Variants in EEFSEC observed in about 807,000 individuals in gnomAD.
EEFSEC encodes eukaryotic elongation factor, selenocysteine-tRNA specific, also known as selenocysteine-specific elongation factor.
Under a neutral mutation model 42.1 loss-of-function variants are expected in EEFSEC, and 43 were observed. The ratio of observed to expected loss-of-function variants is 1.02; its 90% CI spans 0.80 to 1.32. EEFSEC has a LOEUF of 1.32. Among genes scored for constraint, EEFSEC ranks in the 40% most tolerant of loss-of-function variants. EEFSEC has a pLI of 0.00. For missense variants in EEFSEC, 745 were observed against 803.6 expected (o/e 0.93, Z 0.88); for synonymous variants, 354 against 339.1 (o/e 1.04, Z -0.48).
At chr3:128,269,761 C>A (rs1159772612) in intron 4 of EEFSEC, among the ~76,000 whole-genome samples, 1 of 152,212 alleles carries the variant, frequency 6.6e-6, no homozygotes, top group African/African-American at 2.4e-5. Flanking sequence ...CATTTAGTCC[C>A]TAGAACAGTT....
intron 2 of EEFSEC, among the ~76,000 whole-genome samples, chr3:128,252,182 G>A (rs1018008443): frequency 6.6e-6 from 1 of 152,094 alleles, no homozygotes; most frequent in Non-Finnish European, 1.5e-5. Context: ...TCTGTCTGGA[G>A]CCCACCAGGG....
downstream of EEFSEC, among the ~76,000 whole-genome samples, chr3:128,412,684 G>C (rs2068182237): frequency 6.6e-6 from 1 of 152,226 alleles, no homozygotes; most frequent in Non-Finnish European, 1.5e-5. Flanking sequence ...CTCCACACAG[G>C]CAGCCCAGAT....
chr3:128,294,404 CTATCA>C (rs1311194518), intron 4 of EEFSEC, among the ~76,000 whole-genome samples: 1 of 152,192 alleles, frequency 6.6e-6, no homozygotes, highest in African/African-American at 2.4e-5. Context: ...GAATTAAGTT[CTATCA>C]TATCTGAGTG....
chr3:128,254,879 T>C (rs569464439), intron 2 of EEFSEC, among the ~76,000 whole-genome samples: 1 of 151,778 alleles, frequency 6.6e-6, no homozygotes, highest in African/African-American at 2.4e-5. Context: ...AGGCCTGGGG[T>C]GAGAAGAGCC....
intron 4 of EEFSEC, among the ~76,000 whole-genome samples, chr3:128,314,104 C>G (rs530532999): frequency 6.6e-6 from 1 of 152,338 alleles, no homozygotes; most frequent in East Asian, 1.9e-4. Flanking sequence ...ATGCTGCTCT[C>G]TCTCTCCCTC....
intron 1 of EEFSEC, among the ~76,000 whole-genome samples, chr3:128,239,023 C>G (rs2107882810): frequency 6.6e-6 from 1 of 152,352 alleles, no homozygotes; most frequent in East Asian, 1.9e-4. Context: ...GCTCAGGGGT[C>G]TCCCTGCAAG....
At chr3:128,409,400 G>T (rs2068158418), downstream of EEFSEC, among the ~76,000 whole-genome samples, 1 of 152,070 alleles carries the variant, frequency 6.6e-6, no homozygotes, top group Non-Finnish European at 1.5e-5. Context: ...TGTGCACGTG[G>T]TGGGTGGGGA....
chr3:128,407,347 C>T (rs904279638), intron 6 of EEFSEC, among the ~76,000 whole-genome samples: 5 of 152,184 alleles, frequency 3.3e-5, no homozygotes, highest in Admixed American at 6.5e-5. Context: ...CCGGGATGAG[C>T]CACTGACTCT....
intron 6 of EEFSEC, among the ~76,000 whole-genome samples, chr3:128,365,233 C>T (rs930026430): frequency 6.6e-6 from 1 of 152,174 alleles, no homozygotes; most frequent in African/African-American, 2.4e-5. Flanking sequence ...GGAGGGGGCT[C>T]CCTGAGTGGA....
At chr3:128,204,801 C>T (rs2065676400) in intron 1 of EEFSEC, among the ~76,000 whole-genome samples, 1 of 152,106 alleles carries the variant, frequency 6.6e-6, no homozygotes, top group African/African-American at 2.4e-5. Flanking sequence ...GAGACCCTCC[C>T]AAGTTGGTGC....
chr3:128,353,764 G>C (rs1559935930), intron 5 of EEFSEC, among the ~76,000 whole-genome samples: 1 of 152,196 alleles, frequency 6.6e-6, no homozygotes, highest in Non-Finnish European at 1.5e-5. Flanking sequence ...GAGTTGGAAT[G>C]GGGCATTGCC....
intron 5 of EEFSEC, among the ~76,000 whole-genome samples, chr3:128,348,064 T>C (rs1014380290): frequency 9.2e-5 from 14 of 152,160 alleles, no homozygotes; most frequent in Non-Finnish European, 1.8e-4. Flanking sequence ...TCTTAAGGGC[T>C]AGGGAGGTAA....
intron 1 of EEFSEC, among the ~76,000 whole-genome samples, chr3:128,217,902 C>T (rs1170488913): frequency 1.3e-5 from 2 of 152,164 alleles, no homozygotes; most frequent in African/African-American, 4.8e-5. Flanking sequence ...CATTTTTCCA[C>T]TTGGCTGCAC....
chr3:128,380,146 C>T (rs1208821781), intron 6 of EEFSEC, among the ~76,000 whole-genome samples: 6 of 152,218 alleles, frequency 3.9e-5, no homozygotes, highest in Non-Finnish European at 7.3e-5. Context: ...TGCCATTTCT[C>T]GTGATGACTG....
At chr3:128,263,083 T>C (rs1037096682) in intron 3 of EEFSEC, among the ~76,000 whole-genome samples, 2 of 152,218 alleles carry the variant, frequency 1.3e-5, no homozygotes, top group African/African-American at 4.8e-5. Context: ...GTGTATAATG[T>C]GCTCGGTACA....
chr3:128,309,463 C>A (rs961391661), intron 4 of EEFSEC, among the ~76,000 whole-genome samples: 8 of 152,194 alleles, frequency 5.3e-5, no homozygotes, highest in Non-Finnish European at 1.5e-5. Context: ...GTCTGCTGAA[C>A]GCTTACTGGG....
chr3:128,199,546 C>G (rs1202019996), intron 1 of EEFSEC, among the ~76,000 whole-genome samples: 1 of 152,122 alleles, frequency 6.6e-6, no homozygotes, highest in African/African-American at 2.4e-5. Context: ...ACCATTTAAC[C>G]AGTCTTTTAA....
chr3:128,412,281 G>A (rs2068179377), downstream of EEFSEC, among the ~76,000 whole-genome samples: 5 of 152,224 alleles, frequency 3.3e-5, no homozygotes, highest in Admixed American at 3.3e-4. Context: ...CCCCTGTCTG[G>A]GGAGTGCAGG....
rs537126800 is a variant in EEFSEC at position 128,237,663 on chromosome 3, G to A, written c.317-9173G>A. On this transcript the variant is annotated intron_variant, in intron 1 of 6. Transcript: ENST00000254730. The stretch of plus-strand genomic sequence containing the variant: ...GTCTCTAGCATTTCTTGTTTTTTTG[G>A]CTTTCTTTCCTTTTGGCGGGGGTCC... Among the ~76,000 whole-genome samples, 13 of 152,142 alleles carry A rather than the reference G, an allele frequency of 8.5e-5. No homozygotes were observed. The South Asian group carries it at 2.5e-3, about 29-fold the overall frequency.
Sources: gnomAD v4.1 joint callset for allele counts (sites outside exome capture counted in the v4.1 genomes callset) on GRCh38, gnomAD v4.1.1 for gene constraint, MANE v1.5 for transcripts, NCBI Gene and HGNC (gene_info 2026-07-23, HGNC 2026-07-21) for gene names.